The following GAB2 variants were observed in gnomAD, a reference collection of about 807,000 sequenced individuals.
The protein encoded by GAB2 is GRB2-associated-binding protein 2.
Under a neutral mutation model 65.5 loss-of-function variants are expected in GAB2, and 26 were observed. The ratio of observed to expected loss-of-function variants is 0.40; its 90% CI spans 0.29 to 0.55. The LOEUF (loss-of-function observed/expected upper bound fraction) is 0.55, where lower values mean the gene tolerates loss of function less well. Among genes scored for constraint, GAB2 ranks in the 20% least tolerant of loss-of-function variants. The pLI, the probability that GAB2 is intolerant of heterozygous loss-of-function variation, is 0.53. For missense variants in GAB2, 884 were observed against 875.8 expected (o/e 1.01, Z -0.12); for synonymous variants, 321 against 329.6 (o/e 0.97, Z 0.28).
chr11:78,291,843 G>T (rs558068834), intron 1 of GAB2, among the ~76,000 whole-genome samples: 1 of 151,986 alleles, frequency 6.6e-6, no homozygotes, highest in South Asian at 2.1e-4. Context: ...TGGAATTACA[G>T]ATGAGCCACT....
intron 2 of GAB2, among the ~76,000 whole-genome samples, chr11:78,262,105 C>T (rs1404767313): frequency 6.6e-6 from 1 of 152,096 alleles, no homozygotes; most frequent in East Asian, 1.9e-4. Context: ...AAGATTGCAC[C>T]TTAAACTGGT....
chr11:78,221,340 C>G (rs919022407), intron 8 of GAB2, among the ~76,000 whole-genome samples: 1 of 152,162 alleles, frequency 6.6e-6, no homozygotes, highest in Admixed American at 6.5e-5. Flanking sequence ...CCTCTCACCA[C>G]TGAGGAGATA....
At chr11:78,301,827 C>T (rs569275207) in intron 1 of GAB2, among the ~76,000 whole-genome samples, 1 of 152,282 alleles carries the variant, frequency 6.6e-6, no homozygotes, top group East Asian at 1.9e-4. Context: ...CAGCATGGTA[C>T]TGGTATAAAA....
At chr11:78,414,168 C>T (rs1029469225) in intron 1 of GAB2, among the ~76,000 whole-genome samples, 27 of 151,280 alleles carry the variant, frequency 1.8e-4, no homozygotes, top group African/African-American at 5.1e-4. Context: ...ATTCATCGTA[C>T]GTACAGACAA....
chr11:78,334,397 A>G (rs1855964807), intron 1 of GAB2, among the ~76,000 whole-genome samples: 1 of 151,884 alleles, frequency 6.6e-6, no homozygotes, highest in Non-Finnish European at 1.5e-5. Flanking sequence ...CACCTCTCTT[A>G]CCACCCCTCA....
intron 2 of GAB2, among the ~76,000 whole-genome samples, chr11:78,273,360 G>A (rs76951498): frequency 1.3e-5 from 2 of 152,378 alleles, no homozygotes; most frequent in East Asian, 3.9e-4. Flanking sequence ...GGCCATGGGA[G>A]CCTACCTCTT....
intron 1 of GAB2, among the ~76,000 whole-genome samples, chr11:78,391,357 C>T (rs568216598): frequency 4.6e-5 from 7 of 152,160 alleles, no homozygotes; most frequent in Middle Eastern, 3.2e-3. Context: ...ACTCCATCTA[C>T]CAAGAGGTTG....
chr11:78,309,947 TGTGTGTGTGTGTGTGTG>T (rs1565153839), intron 1 of GAB2, among the ~76,000 whole-genome samples: 14 of 140,192 alleles, frequency 1.0e-4, no homozygotes, highest in African/African-American at 4.4e-4. Flanking sequence ...TGTGTGTGTG[TGTGTGTGTGTGTGTGTG>T]TGTGTGTGCG....
At chr11:78,346,608 T>C (rs1313763315) in intron 1 of GAB2, among the ~76,000 whole-genome samples, 1 of 120,166 alleles carries the variant, frequency 8.3e-6, no homozygotes, top group African/African-American at 3.5e-5. Flanking sequence ...AAAGGAGAAT[T>C]TACCAAATCT....
At chr11:78,292,578 C>G (rs550545644) in intron 1 of GAB2, among the ~76,000 whole-genome samples, 1 of 152,328 alleles carries the variant, frequency 6.6e-6, no homozygotes, top group Admixed American at 6.5e-5. Context: ...ATGTACAAGT[C>G]TATCCTAATA....
rs536753624 is a variant in GAB2, at chr11:78,291,618, C to T, written c.76-10717G>A. 2.6e-3 allele frequency among the ~76,000 whole-genome samples: 302 copies of T among 116,202 alleles called. 1 individual carries two copies. Among genetic ancestry groups the T allele is most frequent in the African/African-American group, 9.7e-3 (290 of 30,048 alleles). 76.2% of individuals were successfully genotyped at this position (116,202 alleles called of 152,430 possible). The stretch of plus-strand genomic sequence containing the variant: ...ACAGGGTCTCCCTCTGTTGCCCAGA[C>T]GGGAGTGCAGTGGCGCAAACATGGC... On this transcript the variant is annotated intron_variant, in intron 1 of 9. Transcript: ENST00000361507.
At chr11:78,248,005 A>G (rs116081942) in intron 3 of GAB2, among the ~76,000 whole-genome samples, 2 of 152,336 alleles carry the variant, frequency 1.3e-5, no homozygotes, top group African/African-American at 2.4e-5. Flanking sequence ...GTAAAGTTCT[A>G]TCTCTTCTAC....
Position 78,417,712 on chromosome 11 carries a change from G to C in GAB2, c.9C>G (p.Gly3=), listed in dbSNP as rs1468002181. 3 of 1,337,176 alleles carry C rather than the reference G, an allele frequency of 2.2e-6. No homozygotes were observed. The highest frequency in any genetic ancestry group is 2.9e-6 in the Non-Finnish European group (3 of 1,018,108). The allele number at this position is 1,337,176 out of a possible 1,614,324, so 82.8% of individuals were successfully genotyped here. A position where few individuals can be genotyped will look rare whatever the true frequency, so the allele number is the denominator to read the frequency against. The change falls in exon 1 of 10, where the codon GGC becomes GGG. Residue 3 remains glycine (G), a synonymous_variant. Transcript: ENST00000361507. The part of the protein sequence containing the change: MS[G]GGDVVCTGWL... Reference sequence around the variant, plus strand: ...AGCCGGTGCACACCACGTCGCCGCCGCCGCTCATGCTGCCGGCCTGGAGCC... The same window carrying C: ...AGCCGGTGCACACCACGTCGCCGCCCCCGCTCATGCTGCCGGCCTGGAGCC...
chr11:78,367,151 G>C (rs1435180203), intron 1 of GAB2, among the ~76,000 whole-genome samples: 1 of 152,098 alleles, frequency 6.6e-6, no homozygotes, highest in African/African-American at 2.4e-5. Flanking sequence ...GAAAACTTCT[G>C]TTTTCTTTTC....
At chr11:78,392,740 G>C (rs892885952) in intron 1 of GAB2, among the ~76,000 whole-genome samples, 4 of 152,140 alleles carry the variant, frequency 2.6e-5, no homozygotes, top group African/African-American at 9.7e-5. Flanking sequence ...ACATTCATGA[G>C]CTCACATCTT....
chr11:78,242,506 C>CAAAAA (rs941047736), intron 3 of GAB2, among the ~76,000 whole-genome samples: 2 of 132,370 alleles, frequency 1.5e-5, no homozygotes, highest in African/African-American at 3.0e-5. Flanking sequence ...CGTCTCAAAA[C>CAAAAA]AAAAAAAAAA....
At position 78,360,865 on chromosome 11, in the gene GAB2, A is replaced by AAAC. The variant is rs572520217; in HGVS notation, c.75+56778_75+56780dup. Among the ~76,000 whole-genome samples the AAAC allele has an allele frequency of 2.7e-3, 409 of 152,122 alleles. 1 individual carries two copies. The highest frequency in any genetic ancestry group is 8.6e-3 in the African/African-American group (355 of 41,506). On this transcript the variant is annotated intron_variant, in intron 1 of 9. Coordinates refer to ENST00000361507, the MANE Select transcript of GAB2 (RefSeq NM_080491.3). Reference sequence around the variant, plus strand: ...CAGAGCAAAACTTCGTCTCAAAGAAAAACAACAACAACAACAACAACAAAA... The same window carrying AAAC: ...CAGAGCAAAACTTCGTCTCAAAGAAAAACAACAACAACAACAACAACAACAAAA...
At chr11:78,327,455 T>C (rs1855843296) in intron 1 of GAB2, among the ~76,000 whole-genome samples, 1 of 152,178 alleles carries the variant, frequency 6.6e-6, no homozygotes, top group Non-Finnish European at 1.5e-5. Context: ...GAAACAGATT[T>C]TGGGGCCAAG....
At chr11:78,220,466 T>C in intron 8 of GAB2, 22 bp from the exon 9 acceptor site, 1 of 1,546,510 alleles carries the variant, frequency 6.5e-7, no homozygotes, top group African/African-American at 1.4e-5. Context: ...AGGAAAAAAC[T>C]GTGAGTGACT....
Sources: allele counts gnomAD v4.1 joint callset (sites outside exome capture counted in the v4.1 genomes callset), GRCh38; gene constraint gnomAD v4.1.1; transcripts MANE v1.5; gene names NCBI Gene and HGNC (gene_info 2026-07-23, HGNC 2026-07-21).